The following PKNOX2 variants were observed in gnomAD, a reference collection of about 807,000 sequenced individuals.
PKNOX2 encodes the protein PBX/knotted 1 homeobox 2, also known as homeobox protein PKNOX2.
A neutral mutation model predicts 53.1 loss-of-function variants in PKNOX2; 14 were observed. The observed-to-expected ratio is 0.26, with a 90% CI of 0.17 to 0.41. PKNOX2 has a LOEUF of 0.41. Among genes scored for constraint, PKNOX2 ranks in the 10% least tolerant of loss-of-function variants. The pLI is 1.00. For missense variants in PKNOX2, 496 were observed against 602.8 expected, an observed-to-expected ratio of 0.82 and a Z score of 1.85; for synonymous variants, 257 against 242.8, an observed-to-expected ratio of 1.06 and a Z score of -0.54.
rs1402295204 is a variant in PKNOX2 at position 125,166,071 on chromosome 11, G to C, written c.-201+1295G>C. Among the ~76,000 whole-genome samples, 1 of 152,098 alleles carries C rather than the reference G, an allele frequency of 6.6e-6. No individual in the cohort carries two copies. Among genetic ancestry groups the C allele is most frequent in the Non-Finnish European group, 1.5e-5 (1 of 68,012 alleles). ...AGGGCTGGGTTTTAGGACCAGTCTA[G>C]AGTTCGGTTTATAGGATCCAGACTG... On this transcript the variant is annotated intron_variant, in intron 1 of 12. Coordinates refer to ENST00000298282, the MANE Select transcript of PKNOX2 (RefSeq NM_001382323.2). The surrounding 1 kb of genome is among the most constrained non-coding windows in gnomAD (Gnocchi z 4.0).
chr11:125,334,910 G>C (rs928053162), intron 3 of PKNOX2, among the ~76,000 whole-genome samples: 1 of 152,064 alleles, frequency 6.6e-6, no homozygotes, highest in African/African-American at 2.4e-5. Context: ...AGACACTTAA[G>C]TTTTCTTACC....
chr11:125,373,829 A>G (rs1388845344), intron 5 of PKNOX2, among the ~76,000 whole-genome samples: 2 of 152,246 alleles, frequency 1.3e-5, no homozygotes, highest in South Asian at 2.1e-4. Context: ...GGCACACAGC[A>G]TGGGCTCAAA....
In PKNOX2 at chr11:125,431,311, G is replaced by T; in HGVS notation, c.1338G>T (p.Glu446Asp). 1 of 1,613,620 alleles carries T rather than the reference G, an allele frequency of 6.2e-7. No individual in the cohort carries two copies. Among genetic ancestry groups the T allele is most frequent in the South Asian group, 1.1e-5 (1 of 91,038 alleles). ...ATGAGATGGAAGAGGAGGAGGAGGA[G>T]GAGCTGGAGGAGGAGGTCGACGAGC... Reference protein sequence around the residue: ...DEDEMEEEEEEELEEEVDELQ... With the variant: ...DEDEMEEEEEDELEEEVDELQ... The change falls in exon 13 of 13, where the codon GAG becomes GAT. Residue 446 changes from glutamate to aspartate, a missense_variant. Physicochemically the swap from Glu to Asp is conservative, Grantham distance 45. Transcript: ENST00000298282.
chr11:125,275,150 A>T (rs141410627), intron 2 of PKNOX2, among the ~76,000 whole-genome samples: 85 of 152,342 alleles, frequency 5.6e-4, no homozygotes, highest in Non-Finnish European at 1.1e-3. Flanking sequence ...GTCCTGACGA[A>T]TGCTGGGAAG....
At chr11:125,283,503 T>C (rs74363241) in intron 2 of PKNOX2, among the ~76,000 whole-genome samples, 5,728 of 152,266 alleles carry the variant, frequency 0.038, 393 homozygotes, top group African/African-American at 0.13. Flanking sequence ...AAATATATGA[T>C]GCGTAGGGTT....
intron 7 of PKNOX2, among the ~76,000 whole-genome samples, chr11:125,405,715 C>T (rs1293058329): frequency 1.3e-5 from 2 of 152,182 alleles, no homozygotes; most frequent in African/African-American, 4.8e-5. Context: ...CTCTGCCATT[C>T]CAAACCCAAA....
chr11:125,430,057 C>T lies in PKNOX2; in HGVS notation c.1108C>T (p.Arg370Trp), dbSNP rs374072981. 1.1e-5 allele frequency: 18 copies of T among 1,614,056 alleles called. No homozygotes were observed. The highest frequency in any genetic ancestry group is 2.2e-5 in the South Asian group (2 of 91,086). The change falls in exon 12 of 13, where the codon CGG (arginine) becomes TGG (tryptophan). Residue 370 changes from arginine (R) to tryptophan (W), a missense_variant. Physicochemically the swap from Arg to Trp is moderately radical, Grantham distance 101. Transcript: ENST00000298282. The stretch of plus-strand genomic sequence containing the variant: ...AGCCAAGAAGATCAAGTCTCAGCAC[C>T]GGCCCACCCAAAGATTCTGGCCCAA... ...PKAKKIKSQH[R>W]PTQRFWPNSI...
chr11:125,393,632 C>T (rs1443905109), intron 6 of PKNOX2, among the ~76,000 whole-genome samples: 2 of 152,108 alleles, frequency 1.3e-5, no homozygotes, highest in Non-Finnish European at 2.9e-5. Context: ...CCTGACAGTC[C>T]AGCCCTCTCC....
intron 1 of PKNOX2, among the ~76,000 whole-genome samples, chr11:125,230,836 G>A (rs1942148173): frequency 6.6e-6 from 1 of 152,144 alleles, no homozygotes; most frequent in Non-Finnish European, 1.5e-5. Flanking sequence ...GCTACTGTTA[G>A]CACACTTTTA....
chr11:125,433,070 C>G lies in PKNOX2; in HGVS notation c.*1678C>G, dbSNP rs1298959742. 1.3e-5 allele frequency: 2 copies of G among 152,674 alleles called. No homozygotes were observed. The highest frequency in any genetic ancestry group is 2.9e-5 in the Non-Finnish European group (2 of 68,046). 9.5% of individuals were successfully genotyped at this position (152,674 alleles called of 1,614,324 possible). A position where few individuals can be genotyped will look rare whatever the true frequency, so the allele number is the denominator to read the frequency against. On this transcript the variant is annotated 3_prime_UTR_variant, in exon 13 of 13. Transcript: ENST00000298282. ...ATCTGGGTGATCCAATCATTTTTTA[C>G]TCCCTTTTGATGCCATACATAGAGG...
chr11:125,256,496 G>A (rs1944408973), intron 2 of PKNOX2, among the ~76,000 whole-genome samples: 3 of 152,186 alleles, frequency 2.0e-5, no homozygotes, highest in Non-Finnish European at 4.4e-5. Context: ...CCCACTCTGT[G>A]CATTTGGGGC....
chr11:125,368,637 G>A (rs1049114424), intron 5 of PKNOX2, among the ~76,000 whole-genome samples: 1 of 152,224 alleles, frequency 6.6e-6, no homozygotes. Context: ...AAGAAGGGGA[G>A]TTTGCTGAGG....
chr11:125,267,446 C>A (rs1173333989), intron 2 of PKNOX2, among the ~76,000 whole-genome samples: 2 of 152,200 alleles, frequency 1.3e-5, no homozygotes, highest in East Asian at 1.9e-4. Flanking sequence ...TCTTTCCTTG[C>A]CCTTTCAGTA....
At chr11:125,229,027 C>A (rs545553958) in intron 1 of PKNOX2, among the ~76,000 whole-genome samples, 1 of 152,278 alleles carries the variant, frequency 6.6e-6, no homozygotes, top group Non-Finnish European at 1.5e-5. Context: ...TAAGACCTTT[C>A]CCCAGCTCTT....
At chr11:125,407,226 C>T (rs1401334406) in intron 7 of PKNOX2, among the ~76,000 whole-genome samples, 3 of 152,166 alleles carry the variant, frequency 2.0e-5, no homozygotes, top group Non-Finnish European at 4.4e-5. Flanking sequence ...GCATAAATTG[C>T]CCTTAGTTAC....
intron 2 of PKNOX2, among the ~76,000 whole-genome samples, chr11:125,258,470 G>T (rs1434081600): frequency 1.3e-5 from 2 of 152,020 alleles, no homozygotes; most frequent in African/African-American, 2.4e-5. Flanking sequence ...TAACCCATTG[G>T]GTTGGCCACA....
intron 2 of PKNOX2, among the ~76,000 whole-genome samples, chr11:125,287,002 T>A (rs962915599): frequency 6.6e-6 from 1 of 152,206 alleles, no homozygotes; most frequent in African/African-American, 2.4e-5. Context: ...GCTCACTTGA[T>A]CCTCCAGCTT....
chr11:125,178,593 GGAAGGAAGGAAGGAAGGAAA>G (rs1565462306), intron 1 of PKNOX2, among the ~76,000 whole-genome samples: 4 of 32,364 alleles, frequency 1.2e-4, no homozygotes, highest in Admixed American at 2.8e-4. Context: ...AAGGAAGGAA[GGAAGGAAGGAAGGAAGGAAA>G]GAAAGAAAGA....
chr11:125,310,985 A>G (rs1195861771), intron 2 of PKNOX2, among the ~76,000 whole-genome samples: 1 of 151,776 alleles, frequency 6.6e-6, no homozygotes, highest in Non-Finnish European at 1.5e-5. Context: ...TGTTTCAAGT[A>G]TTGCTTTTTA....
Sources: gnomAD v4.1 joint callset for allele counts (sites outside exome capture counted in the v4.1 genomes callset) on GRCh38, gnomAD v4.1.1 for gene constraint, Gnocchi (gnomAD v3.1) non-coding constraint, MANE v1.5 for transcripts, NCBI Gene and HGNC (gene_info 2026-07-23, HGNC 2026-07-21) for gene names.